The following GRM8 variants were observed in gnomAD, a reference collection of about 807,000 sequenced individuals.
GRM8 encodes the protein metabotropic glutamate receptor 8.
In GRM8, 47 loss-of-function variants were observed where a neutral mutation model predicts 87.2. That is an observed-to-expected ratio of 0.54 (90% confidence interval 0.43 to 0.69). The LOEUF (loss-of-function observed/expected upper bound fraction) is 0.69, where lower values mean the gene tolerates loss of function less well. GRM8 is among the 30% of genes least tolerant of loss of function. The pLI is 0.00. For synonymous variants in GRM8, 396 were observed against 404.5 expected, an observed-to-expected ratio of 0.98 and a Z score of 0.25; for missense variants, 1,019 against 1,139.2, an observed-to-expected ratio of 0.89 and a Z score of 1.52.
chr7:126,556,903 T>C (rs1793207726), intron 8 of GRM8, among the ~76,000 whole-genome samples: 1 of 152,244 alleles, frequency 6.6e-6, no homozygotes, highest in Non-Finnish European at 1.5e-5. Context: ...TTGGTGTCCA[T>C]TGGTGTCTTT....
intron 3 of GRM8, among the ~76,000 whole-genome samples, chr7:126,908,997 A>G (rs566945768): frequency 8.1e-4 from 124 of 152,304 alleles, no homozygotes; most frequent in Non-Finnish European, 1.2e-3. Context: ...TTCTTTCTTC[A>G]TATCAGTCAA....
At chr7:126,739,193 A>G (rs1273434369) in intron 7 of GRM8, among the ~76,000 whole-genome samples, 3 of 152,036 alleles carry the variant, frequency 2.0e-5, no homozygotes, top group Admixed American at 6.6e-5. Flanking sequence ...TTATTATCCA[A>G]TTCTTTCACA....
intron 3 of GRM8, among the ~76,000 whole-genome samples, chr7:127,098,473 C>T (rs938928195): frequency 3.9e-5 from 6 of 152,042 alleles, no homozygotes; most frequent in African/African-American, 1.4e-4. Flanking sequence ...GGGGAAAATG[C>T]TTTATTTTAA....
intron 6 of GRM8, among the ~76,000 whole-genome samples, chr7:126,897,958 C>G (rs1388767284): frequency 6.6e-6 from 1 of 152,140 alleles, no homozygotes; most frequent in African/African-American, 2.4e-5. Flanking sequence ...ACTGGTAAGA[C>G]AGAAGTCCCT....
At chr7:126,846,093 T>C (rs2130657063) in intron 6 of GRM8, among the ~76,000 whole-genome samples, 1 of 152,236 alleles carries the variant, frequency 6.6e-6, no homozygotes, top group East Asian at 1.9e-4. Context: ...GTACACATAT[T>C]TGGGGCTCAG....
intron 8 of GRM8, among the ~76,000 whole-genome samples, chr7:126,537,884 T>C (rs542736608): frequency 2.2e-4 from 34 of 152,336 alleles, no homozygotes; most frequent in Middle Eastern, 3.4e-3. Flanking sequence ...ACCCTGTTTA[T>C]TGCTATATTA....
intron 7 of GRM8, among the ~76,000 whole-genome samples, chr7:126,725,160 T>C (rs1320469829): frequency 6.6e-6 from 1 of 152,214 alleles, no homozygotes; most frequent in Non-Finnish European, 1.5e-5. Flanking sequence ...CAAAATTGGC[T>C]TCTCTAAGGG....
chr7:127,192,976 A>G (rs1011417225), intron 2 of GRM8, among the ~76,000 whole-genome samples: 24 of 152,180 alleles, frequency 1.6e-4, no homozygotes, highest in Admixed American at 1.3e-4. Flanking sequence ...AATTTCTTAG[A>G]GTACTCCAAA....
chr7:126,455,386 G>A (rs1803115045), intron 9 of GRM8, among the ~76,000 whole-genome samples: 1 of 151,088 alleles, frequency 6.6e-6, no homozygotes, highest in African/African-American at 2.4e-5. Context: ...TGTGACTTGA[G>A]TCCTCTCCAA....
At chr7:126,540,993 A>T (rs2066902) in intron 8 of GRM8, among the ~76,000 whole-genome samples, 24,951 of 152,248 alleles carry the variant, frequency 0.16, 2,212 homozygotes, top group Middle Eastern at 0.2. Context: ...TTTAAGACTC[A>T]GTCCTATAAT....
At chr7:126,473,625 T>C (rs999144755) in intron 9 of GRM8, among the ~76,000 whole-genome samples, 4 of 152,110 alleles carry the variant, frequency 2.6e-5, no homozygotes, top group African/African-American at 7.2e-5. Flanking sequence ...TGGGAAGGCA[T>C]AGTTAGTTTT....
In GRM8 at chr7:127,227,824, G is replaced by A. The variant is rs958356699; in HGVS notation, c.510+14871C>T. On this transcript the variant is annotated intron_variant, in intron 2 of 10. Transcript: ENST00000339582. ...TTTCTGGAAGCCATGTGATCATTCCGGCAGCAGGGAAGATACATGGGGTCA... is the reference window on the plus strand; with the variant it reads ...TTTCTGGAAGCCATGTGATCATTCCAGCAGCAGGGAAGATACATGGGGTCA... Among the ~76,000 whole-genome samples the A allele has an allele frequency of 3.9e-5, 6 of 152,284 alleles. No individual in the cohort carries two copies. In the South Asian group the frequency reaches 6.2e-4, roughly 16 times the overall value.
intron 2 of GRM8, among the ~76,000 whole-genome samples, chr7:127,111,865 A>G (rs1367381071): frequency 6.6e-6 from 1 of 152,064 alleles, no homozygotes; most frequent in Non-Finnish European, 1.5e-5. Context: ...CATCACTACT[A>G]AAAATACCAA....
intron 6 of GRM8, among the ~76,000 whole-genome samples, chr7:126,893,422 C>T (rs1022449489): frequency 2.0e-5 from 3 of 151,840 alleles, no homozygotes; most frequent in African/African-American, 7.3e-5. Flanking sequence ...ACAGTAAAAG[C>T]CCTTTTATAA....
intron 6 of GRM8, among the ~76,000 whole-genome samples, chr7:126,855,616 C>T (rs1797606336): frequency 6.6e-6 from 1 of 151,866 alleles, no homozygotes. Flanking sequence ...GCTGGGATTA[C>T]AGGCATGTAC....
chr7:126,672,841 C>T (rs1424741111), intron 7 of GRM8, among the ~76,000 whole-genome samples: 1 of 152,192 alleles, frequency 6.6e-6, no homozygotes, highest in Non-Finnish European at 1.5e-5. Context: ...TAACCAGAGC[C>T]TCTCACATGG....
intron 6 of GRM8, among the ~76,000 whole-genome samples, chr7:126,843,755 C>T (rs1416810841): frequency 6.6e-6 from 1 of 152,220 alleles, no homozygotes; most frequent in African/African-American, 2.4e-5. Flanking sequence ...AGGAACAGCG[C>T]TGCTGTTTTC....
chr7:126,580,963 A>T (rs1277365469), intron 8 of GRM8, among the ~76,000 whole-genome samples: 4 of 117,018 alleles, frequency 3.4e-5, no homozygotes, highest in Non-Finnish European at 8.6e-5. Context: ...GTCTTAAAAA[A>T]ATAGAAAAAA....
intron 9 of GRM8, 43 bp from the exon 10 acceptor site, chr7:126,446,415 C>T (rs1802029275): frequency 7.5e-7 from 1 of 1,337,242 alleles, no homozygotes; most frequent in Non-Finnish European, 1.0e-6. Context: ...GTAAGCCTAA[C>T]AGTAGGAGAT....
Sources: gnomAD v4.1 joint callset for allele counts (sites outside exome capture counted in the v4.1 genomes callset) on GRCh38, gnomAD v4.1.1 for gene constraint, MANE v1.5 for transcripts, NCBI Gene and HGNC (gene_info 2026-07-23, HGNC 2026-07-21) for gene names.